PKD1L3: variants seen among roughly 807,000 people sequenced by gnomAD.
The protein encoded by PKD1L3 is polycystin 1 like 3, transient receptor potential channel interacting, also known as polycystin-1-like protein 3.
Under a neutral mutation model 184.1 loss-of-function variants are expected in PKD1L3, and 239 were observed. That is an observed-to-expected ratio of 1.30 (90% CI 1.17 to 1.45). The LOEUF is 1.45. Among genes scored for constraint, PKD1L3 ranks in the 40% most tolerant of loss-of-function variants. The probability of loss-of-function intolerance (pLI) is 0.00; values close to 1 mark genes in which losing one functional copy is unlikely to be tolerated. For synonymous variants in PKD1L3, 996 were observed against 778.8 expected, an observed-to-expected ratio of 1.28 and a Z score of -4.64; for missense variants, 2,660 against 2,067.2, an observed-to-expected ratio of 1.29 and a Z score of -5.56.
At chr16:71,981,224 A>G (rs1050708596) in intron 7 of PKD1L3, among the ~76,000 whole-genome samples, 9 of 152,212 alleles carry the variant, frequency 5.9e-5, no homozygotes, top group Admixed American at 4.6e-4. Flanking sequence ...ACATGTTTTC[A>G]ACTCTCTTGG....
In PKD1L3 at chr16:71,984,069, T is replaced by C. The variant is rs2040267126; in HGVS notation, c.933A>G (p.Thr311=). Residue 311 remains threonine, a synonymous_variant, in exon 6 of 30, where the codon ACA becomes ACG. Transcript: ENST00000620267. ...QEACEFLQKL[T]ALTPRFSKPA... is the part of the protein sequence containing the mutation. ...GCTTAGAAAATCTTGGGGTTAAGGC[T>C]GTTAGTTTCTGGAGGAACTCACAAG... The C allele has an allele frequency of 3.9e-6, 6 of 1,552,308 alleles. No homozygotes were observed. The East Asian group carries it at 1.5e-4, about 38-fold the overall frequency.
At chr16:71,933,569 T>C (rs976142253) in intron 27 of PKD1L3, 48 bp from the exon 28 acceptor site, 4 of 1,364,116 alleles carry the variant, frequency 2.9e-6, no homozygotes, top group African/African-American at 2.9e-5. Flanking sequence ...GCGCACATCT[T>C]TCTATCCTGA....
intron 11 of PKD1L3, among the ~76,000 whole-genome samples, chr16:71,974,455 G>A (rs1193610894): frequency 6.6e-6 from 1 of 152,180 alleles, no homozygotes; most frequent in Non-Finnish European, 1.5e-5. Context: ...TAAGGCAGGA[G>A]GATTATTTGA....
intron 4 of PKD1L3, among the ~76,000 whole-genome samples, 187 bp from the exon 5 acceptor site, chr16:71,986,656 CATGATTT>C (rs1353577056): frequency 1.3e-5 from 2 of 152,056 alleles, no homozygotes; most frequent in African/African-American, 4.8e-5. Flanking sequence ...ACTTGAGATT[CATGATTT>C]ATATTAGTGT....
At position 71,980,149 on chromosome 16, in the gene PKD1L3, A is replaced by C. The variant is rs2040094082; in HGVS notation, c.1144-15T>G. ...ATGTCTTCTACCTGCATGGAAAGGA[A>C]AACAGTGTGTGACTTGTAAAACCTC... On this transcript the variant is annotated splice_polypyrimidine_tract_variant and intron_variant, in intron 7 of 29. Coordinates refer to ENST00000620267, the MANE Select transcript of PKD1L3 (RefSeq NM_181536.2). 6.4e-7 allele frequency: 1 copy of C among 1,550,840 alleles called. No individual in the cohort carries two copies. The highest frequency in any genetic ancestry group is 1.2e-5 in the South Asian group (1 of 84,012).
intron 22 of PKD1L3, among the ~76,000 whole-genome samples, chr16:71,945,321 CAT>C (rs1555514747): frequency 0.011 from 444 of 41,774 alleles, 25 homozygotes; most frequent in African/African-American, 0.039. Context: ...CACACACACA[CAT>C]ATATACACAC....
intron 3 of PKD1L3, among the ~76,000 whole-genome samples, chr16:71,990,578 A>G (rs1429455143): frequency 6.6e-6 from 1 of 152,088 alleles, no homozygotes; most frequent in Non-Finnish European, 1.5e-5. Flanking sequence ...TACTAAAAAC[A>G]TAATAATTAG....
rs751251096 is a variant in PKD1L3, at chr16:71,963,285, G to A, written c.2532C>T (p.Cys844=). ...AGTCTCCGAGGTCCACAGCCAGCCA[G>A]CAATTGCACAGGAAATGCCACTTCC... is the stretch of plus-strand genomic sequence containing the variant. ...VKRKWHFLCN[C]WLAVDLGDCE... Residue 844 remains cysteine, a synonymous_variant, in exon 16 of 30, where the codon TGC becomes TGT. Coordinates refer to ENST00000620267, the MANE Select transcript of PKD1L3 (RefSeq NM_181536.2). The A allele has an allele frequency of 3.5e-5, 55 of 1,551,348 alleles. No homozygotes were observed. The Middle Eastern group carries it at 6.7e-4, about 19-fold the overall frequency.
chr16:71,980,160 G>A, intron 7 of PKD1L3, 26 bp from the exon 8 acceptor site: 1 of 1,549,362 alleles, frequency 6.5e-7, no homozygotes, highest in African/African-American at 1.4e-5. Context: ...AACAGTGTGT[G>A]ACTTGTAAAA....
chr16:71,954,804 T>C (rs2038982882), intron 16 of PKD1L3, among the ~76,000 whole-genome samples: 1 of 152,084 alleles, frequency 6.6e-6, no homozygotes, highest in South Asian at 2.1e-4. Flanking sequence ...AACAAGGTGG[T>C]CAGAGTGAGG....
intron 25 of PKD1L3, among the ~76,000 whole-genome samples, chr16:71,936,519 CTTTTTTT>C (rs397785025): frequency 6.5e-5 from 8 of 123,544 alleles, no homozygotes; most frequent in Non-Finnish European, 1.0e-4. Context: ...TTTTTTTTTT[CTTTTTTT>C]TTTTTTTTTT....
chr16:71,998,278 G>T lies in PKD1L3; in HGVS notation c.412C>A (p.Gln138Lys). Residue 138 changes from glutamine (Q) to lysine (K), a missense_variant, in exon 2 of 30, where the codon CAG becomes AAG. By Grantham distance (53) the Gln-to-Lys change is moderately conservative. Transcript: ENST00000620267. ...KCLLKYYFIC[Q>K]TGDFLDGDAH... Reference sequence around the variant, plus strand: ...ATGTAGCTTTATCACTTACCAGTCTGGCAAATGAAATAGTATTTCAGTAAG... The same window carrying T: ...ATGTAGCTTTATCACTTACCAGTCTTGCAAATGAAATAGTATTTCAGTAAG... 3.2e-6 allele frequency: 5 copies of T among 1,551,836 alleles called. No homozygotes were observed. The South Asian group carries it at 6.0e-5, about 18-fold the overall frequency.
chr16:71,956,528 T>C (rs1011872922), intron 16 of PKD1L3, among the ~76,000 whole-genome samples: 7 of 152,128 alleles, frequency 4.6e-5, no homozygotes, highest in Admixed American at 1.3e-4. Context: ...TGCTACAGCA[T>C]GAATGAACCT....
Position 71,929,690 on chromosome 16 carries a change from A to G in PKD1L3, c.5059-12T>C, listed in dbSNP as rs2037851953. On this transcript the variant is annotated splice_polypyrimidine_tract_variant and intron_variant, in intron 29 of 29. Transcript: ENST00000620267. ...AGTGCAGCTTCTTTCTGAGTATTGA[A>G]GACAAAAAGAGAAAAGTGAGAAAAT... The G allele has an allele frequency of 6.6e-7, 1 of 1,520,674 alleles. No homozygotes were observed. The highest frequency in any genetic ancestry group is 2.3e-5 in the Admixed American group (1 of 42,590). 94.2% of individuals were successfully genotyped at this position (1,520,674 alleles called of 1,614,324 possible).
rs555096159 is a variant in PKD1L3, at chr16:72,000,285, G to T, written c.-307C>A. ...CTGAGTCTAAGCTGCACTGGGTAGA[G>T]GATGATGAATATCTAACATCTAAGT... On this transcript the variant is annotated 5_prime_UTR_variant, in exon 1 of 30. Coordinates refer to ENST00000620267, the MANE Select transcript of PKD1L3 (RefSeq NM_181536.2). Among the ~76,000 whole-genome samples, 2 of 152,250 alleles carry T rather than the reference G, an allele frequency of 1.3e-5. No homozygotes were observed. The highest frequency in any genetic ancestry group is 4.8e-5 in the African/African-American group (2 of 41,526).
At chr16:71,953,540 C>T (rs1479813636) in intron 17 of PKD1L3, among the ~76,000 whole-genome samples, 6 of 152,180 alleles carry the variant, frequency 3.9e-5, no homozygotes, top group Non-Finnish European at 5.9e-5. Flanking sequence ...CTTTACATGC[C>T]TTACAAAGCA....
chr16:71,935,597 A>G (rs1360239388), intron 25 of PKD1L3, 79 bp from the exon 26 acceptor site: 6 of 1,348,674 alleles, frequency 4.4e-6, no homozygotes, highest in Non-Finnish European at 5.0e-6. Context: ...TGATGAACGC[A>G]GCTGATGTCT....
intron 4 of PKD1L3, among the ~76,000 whole-genome samples, chr16:71,989,604 G>C (rs1314137192): frequency 1.3e-5 from 2 of 152,216 alleles, no homozygotes; most frequent in Non-Finnish European, 2.9e-5. Context: ...AAATTTTATA[G>C]ATTATGTGGA....
In PKD1L3 at chr16:71,930,127, C is replaced by G. The variant is rs1262993558; in HGVS notation, c.4983G>C (p.Leu1661Phe). 1.9e-6 allele frequency: 3 copies of G among 1,551,514 alleles called. No homozygotes were observed. The African/African-American group carries it at 4.1e-5, about 21-fold the overall frequency. Residue 1661 changes from leucine to phenylalanine, a missense_variant, in exon 29 of 30, where the codon TTG becomes TTC. Physicochemically the swap from Leu to Phe is conservative, Grantham distance 22. Coordinates refer to ENST00000620267, the MANE Select transcript of PKD1L3 (RefSeq NM_181536.2). ...AAAGATTAATTACCACAAGTACCAT[C>G]AAGATGACACTGGTGAGGATCAGAA... ...GTFLILTSVI[L>F]MVLVVINLFV...
Sources: gnomAD v4.1 joint callset for allele counts (sites outside exome capture counted in the v4.1 genomes callset) on GRCh38, gnomAD v4.1.1 for gene constraint, MANE v1.5 for transcripts, NCBI Gene and HGNC (gene_info 2026-07-23, HGNC 2026-07-21) for gene names.